Variants in PLEKHG1 observed in about 807,000 individuals in gnomAD.
PLEKHG1 encodes the protein pleckstrin homology domain-containing family G member 1.
Under a neutral mutation model 100.8 loss-of-function variants are expected in PLEKHG1, and 44 were observed. That is an observed-to-expected ratio of 0.44 (90% CI 0.34 to 0.56). The LOEUF (loss-of-function observed/expected upper bound fraction) is 0.56, where lower values mean the gene tolerates loss of function less well. PLEKHG1 is among the 20% of genes least tolerant of loss of function. The pLI, the probability that PLEKHG1 is intolerant of heterozygous loss-of-function variation, is 0.01. For missense variants in PLEKHG1, 1,545 were observed against 1,720.9 expected (o/e 0.90, Z 1.81); for synonymous variants, 640 against 662.5 (o/e 0.97, Z 0.52).
At chr6:150,828,450 A>G in intron 14 of PLEKHG1, 1 of 1,379,138 alleles carries the variant, frequency 7.3e-7, no homozygotes, top group Non-Finnish European at 9.8e-7. Context: ...TAAAAAAGGA[A>G]AAAGCAAGAA....
At chr6:150,818,327 C>G (rs1253128610) in intron 11 of PLEKHG1, 111 bp downstream of exon 12, 1 of 837,180 alleles carries the variant, frequency 1.2e-6, no homozygotes, top group Non-Finnish European at 2.0e-6. Flanking sequence ...TAGTATCTCT[C>G]TATTCACTGT....
intron 14 of PLEKHG1, among the ~76,000 whole-genome samples, chr6:150,826,611 T>C (rs924769626): frequency 6.6e-6 from 1 of 152,240 alleles, no homozygotes; most frequent in African/African-American, 2.4e-5. Context: ...TTACCATGAC[T>C]TTCAGTATTG....
chr6:150,783,733 C>T (rs1196748078), intron 3 of PLEKHG1, among the ~76,000 whole-genome samples: 2 of 152,126 alleles, frequency 1.3e-5, no homozygotes, highest in South Asian at 2.1e-4. Context: ...TTACTAAGGA[C>T]TGAAAAAGCT....
intron 1 of PLEKHG1, among the ~76,000 whole-genome samples, chr6:150,730,818 C>CT (rs577264800): frequency 1.9e-3 from 287 of 151,938 alleles, no homozygotes; most frequent in South Asian, 6.9e-3. Flanking sequence ...CAGGAGATCG[C>CT]TTGAACCTGG....
chr6:150,750,481 T>A (rs1370988644), intron 2 of PLEKHG1, among the ~76,000 whole-genome samples: 1 of 152,082 alleles, frequency 6.6e-6, no homozygotes, highest in East Asian at 1.9e-4. Flanking sequence ...AATGTTTTTT[T>A]AATAAAGCAA....
chr6:150,759,211 C>T (rs1231779537), intron 2 of PLEKHG1, among the ~76,000 whole-genome samples: 2 of 152,154 alleles, frequency 1.3e-5, no homozygotes, highest in Non-Finnish European at 2.9e-5. Flanking sequence ...TGGTTGAAAG[C>T]TGGTGTGCTT....
intron 1 of PLEKHG1, among the ~76,000 whole-genome samples, chr6:150,621,006 C>G (rs1450759358): frequency 6.6e-6 from 1 of 152,174 alleles, no homozygotes; most frequent in African/African-American, 2.4e-5. Flanking sequence ...CCTTTGGCCT[C>G]TCTTGGATTG....
At chr6:150,705,852 G>A (rs1780983456) in intron 3 of PLEKHG1, among the ~76,000 whole-genome samples, 1 of 152,178 alleles carries the variant, frequency 6.6e-6, no homozygotes, top group Non-Finnish European at 1.5e-5. Flanking sequence ...GGTTCAGAAA[G>A]AAATAAACAC....
chr6:150,658,898 A>AT (rs1470907487), intron 3 of PLEKHG1, among the ~76,000 whole-genome samples: 1 of 152,202 alleles, frequency 6.6e-6, no homozygotes, highest in African/African-American at 2.4e-5. Flanking sequence ...GCTACATGCT[A>AT]TATATTATTT....
chr6:150,636,762 A>C (rs1295758955), intron 1 of PLEKHG1, among the ~76,000 whole-genome samples: 1 of 152,216 alleles, frequency 6.6e-6, no homozygotes, highest in African/African-American at 2.4e-5. Context: ...ATTGTGCTCT[A>C]AGTGGATGTA....
At chr6:150,714,886 G>A (rs1781367367) in intron 3 of PLEKHG1, among the ~76,000 whole-genome samples, 1 of 150,976 alleles carries the variant, frequency 6.6e-6, no homozygotes, top group Non-Finnish European at 1.5e-5. Flanking sequence ...TCAGCTCACT[G>A]CAACCTCCAC....
intron 1 of PLEKHG1, among the ~76,000 whole-genome samples, chr6:150,622,030 C>T (rs1295865568): frequency 1.3e-5 from 2 of 152,206 alleles, no homozygotes; most frequent in Admixed American, 1.3e-4. Context: ...GATTCCCTTA[C>T]TTCTCCCTAA....
chr6:150,655,889 T>G (rs552262632), intron 3 of PLEKHG1, among the ~76,000 whole-genome samples: 10 of 150,774 alleles, frequency 6.6e-5, no homozygotes, highest in Non-Finnish European at 1.3e-4. Context: ...TAAGTGGGAG[T>G]TGAACAATGA....
At chr6:150,826,776 T>C (rs956331349) in intron 14 of PLEKHG1, among the ~76,000 whole-genome samples, 1 of 152,072 alleles carries the variant, frequency 6.6e-6, no homozygotes, top group Non-Finnish European at 1.5e-5. Context: ...CCCAAGTAAC[T>C]GGACTACAGT....
upstream of PLEKHG1, among the ~76,000 whole-genome samples, chr6:150,719,235 T>C (rs749394512): frequency 6.6e-6 from 1 of 152,110 alleles, no homozygotes; most frequent in Non-Finnish European, 1.5e-5. Flanking sequence ...TTTGTTTACG[T>C]TTAACATACA....
At chr6:150,722,344 CTTTTCTT>C (rs1781731071) in intron 1 of PLEKHG1, among the ~76,000 whole-genome samples, 6 of 125,976 alleles carry the variant, frequency 4.8e-5, no homozygotes, top group African/African-American at 1.4e-4. Flanking sequence ...TTTTCTTTTT[CTTTTCTT>C]TTTTTTTTTT....
intron 11 of PLEKHG1, among the ~76,000 whole-genome samples, chr6:150,819,328 G>T (rs1367378244): frequency 1.3e-5 from 2 of 152,074 alleles, no homozygotes; most frequent in Non-Finnish European, 2.9e-5. Context: ...ACTTTGGGAG[G>T]CCGAGGTGGG....
At chr6:150,762,820 G>A (rs1784233310) in intron 2 of PLEKHG1, among the ~76,000 whole-genome samples, 1 of 152,122 alleles carries the variant, frequency 6.6e-6, no homozygotes, top group Non-Finnish European at 1.5e-5. Flanking sequence ...TTATCTATAG[G>A]CTACAGCAGG....
intron 3 of PLEKHG1, among the ~76,000 whole-genome samples, chr6:150,700,678 T>A (rs1780735487): frequency 6.6e-6 from 1 of 152,204 alleles, no homozygotes; most frequent in Non-Finnish European, 1.5e-5. Context: ...TCTAACCGCC[T>A]GGGTTCAAAT....
Sources: allele counts gnomAD v4.1 joint callset (sites outside exome capture counted in the v4.1 genomes callset), GRCh38; gene constraint gnomAD v4.1.1; transcripts MANE v1.5; gene names NCBI Gene and HGNC (gene_info 2026-07-23, HGNC 2026-07-21).